Variants in GRIK2 observed in about 807,000 individuals in gnomAD.
GRIK2 encodes glutamate ionotropic receptor kainate type subunit 2.
Under a neutral mutation model 100.3 loss-of-function variants are expected in GRIK2, and 32 were observed. That is an observed-to-expected ratio of 0.32 (90% confidence interval 0.24 to 0.43). The LOEUF is 0.43. Ranked by LOEUF, GRIK2 falls within the 20% of genes least tolerant of loss-of-function variation. GRIK2 has a pLI of 1.00. For synonymous variants in GRIK2, 417 were observed against 389.4 expected, an observed-to-expected ratio of 1.07 and a Z score of -0.83; for missense variants, 843 against 1,114.9, an observed-to-expected ratio of 0.76 and a Z score of 3.47.
intron 7 of GRIK2, among the ~76,000 whole-genome samples, chr6:101,705,304 T>C (rs189625239): frequency 8.9e-4 from 135 of 151,770 alleles, no homozygotes; most frequent in Middle Eastern, 3.4e-3. Flanking sequence ...TCTTCTTCTT[T>C]TTTTTAACTG....
At chr6:101,714,636 C>T (rs1258365293) in intron 7 of GRIK2, among the ~76,000 whole-genome samples, 1 of 151,726 alleles carries the variant, frequency 6.6e-6, no homozygotes, top group Non-Finnish European at 1.5e-5. Flanking sequence ...CTTGTTCTCA[C>T]GTTCTCATGT....
chr6:101,900,332 C>T lies in GRIK2; in HGVS notation c.1748+10469C>T, dbSNP rs188567354. Among the ~76,000 whole-genome samples the T allele has an allele frequency of 6.3e-3, 965 of 152,084 alleles. 5 individuals are homozygous for T. The highest frequency in any genetic ancestry group is 0.011 in the Non-Finnish European group (758 of 67,976). ...ATATAAAATTAGCCGGGCGTGGTGGCACATGCCTGTAATCCCAGCTACTAG... is the reference window on the plus strand; with the variant it reads ...ATATAAAATTAGCCGGGCGTGGTGGTACATGCCTGTAATCCCAGCTACTAG... On this transcript the variant is annotated intron_variant, in intron 12 of 16. Coordinates refer to ENST00000369134, the MANE Select transcript of GRIK2 (RefSeq NM_021956.5).
chr6:101,761,610 C>G (rs1372453188), intron 7 of GRIK2, among the ~76,000 whole-genome samples: 1 of 152,124 alleles, frequency 6.6e-6, no homozygotes, highest in East Asian at 1.9e-4. Context: ...AAATCACTAT[C>G]TTACACAATA....
chr6:101,889,892 G>A, intron 12 of GRIK2, 29 bp downstream of exon 12: 3 of 1,373,926 alleles, frequency 2.2e-6, no homozygotes, highest in Non-Finnish European at 3.1e-6. Flanking sequence ...TGATTTTTTT[G>A]GCAATTGTTA....
chr6:101,760,543 A>G (rs1341665026), intron 7 of GRIK2, among the ~76,000 whole-genome samples: 1 of 90,442 alleles, frequency 1.1e-5, no homozygotes, highest in Non-Finnish European at 1.9e-5. Context: ...ATTTAATTAT[A>G]TATTTATTAT....
chr6:101,733,157 A>G (rs1775397143), intron 7 of GRIK2, among the ~76,000 whole-genome samples: 2 of 152,124 alleles, frequency 1.3e-5, no homozygotes, highest in African/African-American at 4.8e-5. Flanking sequence ...CCAAATACCC[A>G]AAGTATTAAC....
At chr6:101,470,851 G>C (rs141126906) in intron 2 of GRIK2, among the ~76,000 whole-genome samples, 2 of 152,048 alleles carry the variant, frequency 1.3e-5, no homozygotes, top group Non-Finnish European at 2.9e-5. Flanking sequence ...TTTTCACAAC[G>C]AAATAGCAAA....
chr6:101,995,115 G>A, intron 14 of GRIK2, among the ~76,000 whole-genome samples: 1 of 151,902 alleles, frequency 6.6e-6, no homozygotes, highest in African/African-American at 2.4e-5. Flanking sequence ...ACTACACTAT[G>A]TGAAAATGAA....
intron 6 of GRIK2, among the ~76,000 whole-genome samples, chr6:101,683,314 C>T (rs1771428504): frequency 1.3e-5 from 2 of 152,146 alleles, no homozygotes; most frequent in Non-Finnish European, 2.9e-5. Context: ...CAGTAGATTA[C>T]ATTTTCTATT....
chr6:101,933,239 G>A (rs1198631857), intron 14 of GRIK2, among the ~76,000 whole-genome samples: 2 of 151,908 alleles, frequency 1.3e-5, no homozygotes, highest in African/African-American at 4.8e-5. Flanking sequence ...ATCCAACCAT[G>A]CAAGTTTTAT....
At chr6:101,429,792 T>C (rs1208391480) in intron 2 of GRIK2, among the ~76,000 whole-genome samples, 1 of 152,218 alleles carries the variant, frequency 6.6e-6, no homozygotes, top group Non-Finnish European at 1.5e-5. Flanking sequence ...AGCCAAAATT[T>C]GTTGTCATTT....
At chr6:101,395,968 G>A (rs2128234594) in intron 1 of GRIK2, among the ~76,000 whole-genome samples, 1 of 152,190 alleles carries the variant, frequency 6.6e-6, no homozygotes, top group East Asian at 1.9e-4. Context: ...ATCTTACTAA[G>A]TATATATAAT....
intron 7 of GRIK2, among the ~76,000 whole-genome samples, chr6:101,798,167 G>C (rs1644946257): frequency 6.6e-6 from 1 of 151,414 alleles, no homozygotes; most frequent in East Asian, 1.9e-4. Flanking sequence ...TATTTTTAAG[G>C]CTCTCTTACG....
At chr6:101,813,047 ACATATACATAAATGCTATGTATG>A (rs1447355131) in intron 9 of GRIK2, among the ~76,000 whole-genome samples, 1 of 152,090 alleles carries the variant, frequency 6.6e-6, no homozygotes, top group Admixed American at 6.6e-5. Flanking sequence ...TCCGTATATA[ACATATACATAAATGCTATGTATG>A]CATATACATA....
intron 16 of GRIK2, chr6:102,063,939 A>G: frequency 8.9e-7 from 1 of 1,127,088 alleles, no homozygotes; most frequent in Non-Finnish European, 1.3e-6. Context: ...TAACAGCTCA[A>G]AGATTTAAAT....
intron 7 of GRIK2, among the ~76,000 whole-genome samples, chr6:101,728,931 C>A (rs1775064880): frequency 1.3e-5 from 2 of 151,832 alleles, no homozygotes; most frequent in African/African-American, 4.8e-5. Flanking sequence ...GTTGGCAATA[C>A]TGTTAATGGA....
intron 2 of GRIK2, among the ~76,000 whole-genome samples, chr6:101,467,015 T>A (rs956406102): frequency 2.0e-5 from 3 of 152,196 alleles, no homozygotes; most frequent in African/African-American, 7.2e-5. Flanking sequence ...AGTAGCTGTC[T>A]TAGATGACAC....
intron 12 of GRIK2, among the ~76,000 whole-genome samples, chr6:101,899,944 T>C (rs1407187831): frequency 6.6e-6 from 1 of 152,130 alleles, no homozygotes; most frequent in Non-Finnish European, 1.5e-5. Context: ...AGACTGAAGA[T>C]ATGTTTTGGA....
chr6:101,564,686 C>T (rs962484818), intron 2 of GRIK2, among the ~76,000 whole-genome samples: 18 of 152,134 alleles, frequency 1.2e-4, no homozygotes, highest in African/African-American at 3.9e-4. Context: ...ACTTCTCCAC[C>T]AGATTAACTT....
Sources: allele counts gnomAD v4.1 joint callset (sites outside exome capture counted in the v4.1 genomes callset), GRCh38; gene constraint gnomAD v4.1.1; transcripts MANE v1.5; gene names NCBI Gene and HGNC (gene_info 2026-07-23, HGNC 2026-07-21).